The following ATL3 variants were observed in gnomAD, a reference collection of about 807,000 sequenced individuals.
The protein encoded by ATL3 is atlastin GTPase 3.
ATL3 carries 49 observed loss-of-function variants against 69.5 expected under a neutral mutation model. The observed-to-expected ratio is 0.71, with a 90% CI of 0.56 to 0.89. The LOEUF is 0.89. ATL3 is among the 40% of genes least tolerant of loss of function. The probability of loss-of-function intolerance (pLI) is 0.00; values close to 1 mark genes in which losing one functional copy is unlikely to be tolerated. For synonymous variants in ATL3, 214 were observed against 224.1 expected (o/e 0.95, Z 0.40); for missense variants, 606 against 645.7 (o/e 0.94, Z 0.67).
chr11:63,631,960 C>T (rs1000748586), intron 11 of ATL3, among the ~76,000 whole-genome samples: 17 of 152,098 alleles, frequency 1.1e-4, no homozygotes, highest in African/African-American at 3.4e-4. Flanking sequence ...CCAGCCTGGG[C>T]GACAGAGTGA....
intron 1 of ATL3, 130 bp from the exon 2 acceptor site, chr11:63,659,382 T>G: frequency 1.4e-6 from 1 of 710,504 alleles, no homozygotes; most frequent in South Asian, 1.9e-5. Flanking sequence ...ATCACAGCAC[T>G]TTGGGAAACC....
Position 63,624,765 on chromosome 11 carries a change from T to G in ATL3, c.*4554A>C, listed in dbSNP as rs1939049348. 1 of 152,190 alleles carries G rather than the reference T, an allele frequency of 6.6e-6. No individual in the cohort carries two copies. Among genetic ancestry groups the G allele is most frequent in the Admixed American group, 6.5e-5 (1 of 15,274 alleles). The allele number at this position is 152,190 out of a possible 1,614,324, so 9.4% of individuals were successfully genotyped here. On this transcript the variant is annotated 3_prime_UTR_variant, in exon 13 of 13. Transcript: ENST00000398868. Reference sequence around the variant, plus strand: ...CAGCTTTAAAGAGCTTAGATAATCCTCTGAATTAAAGGCATTCTTACTACT... The same window carrying G: ...CAGCTTTAAAGAGCTTAGATAATCCGCTGAATTAAAGGCATTCTTACTACT...
chr11:63,642,531 A>C (rs1350862193), intron 8 of ATL3, among the ~76,000 whole-genome samples: 2 of 152,172 alleles, frequency 1.3e-5, no homozygotes, highest in African/African-American at 4.8e-5. Context: ...AAGAACCCCT[A>C]TTTTAGCCCA....
chr11:63,629,979 T>C (rs968971203), intron 12 of ATL3, among the ~76,000 whole-genome samples: 1 of 152,194 alleles, frequency 6.6e-6, no homozygotes, highest in Admixed American at 6.5e-5. Context: ...ATCCCTTTCC[T>C]AATCCAGTAG....
intron 12 of ATL3, among the ~76,000 whole-genome samples, chr11:63,630,763 T>A (rs1356017786): frequency 1.4e-5 from 2 of 138,940 alleles, no homozygotes; most frequent in Admixed American, 7.6e-5. Context: ...GCCACTGGAC[T>A]CCAGCCTGGG....
chr11:63,653,424 T>C (rs2134510100), intron 3 of ATL3, among the ~76,000 whole-genome samples: 1 of 151,672 alleles, frequency 6.6e-6, no homozygotes, highest in East Asian at 1.9e-4. Context: ...GAGACCACAC[T>C]ACTGTACTCC....
At chr11:63,664,836 A>G (rs1036813622) in intron 1 of ATL3, among the ~76,000 whole-genome samples, 1 of 151,696 alleles carries the variant, frequency 6.6e-6, no homozygotes, top group African/African-American at 2.4e-5. Flanking sequence ...TCGAACTCCT[A>G]ACCCTGTGAT....
chr11:63,631,976 C>T (rs577277436), intron 11 of ATL3, among the ~76,000 whole-genome samples: 5 of 152,082 alleles, frequency 3.3e-5, no homozygotes, highest in Admixed American at 6.6e-5. Context: ...AGTGAGACTC[C>T]GTCTCTAAAA....
Position 63,658,817 on chromosome 11 carries a change from T to C in ATL3, c.349A>G (p.Thr117Ala). 1 of 1,612,878 alleles carries C rather than the reference T, an allele frequency of 6.2e-7. No individual in the cohort carries two copies. The highest frequency in any genetic ancestry group is 8.5e-7 in the Non-Finnish European group (1 of 1,179,544). ...ACTTCACTCCAGATTTGAATCCCAG[T>C]GGTTTCTGGATCAGATCCCCCTCTC... ...SWRGGSDPET[T>A]GIQIWSEVFT... The change falls in exon 3 of 13, where the codon ACT becomes GCT. Residue 117 changes from threonine (T) to alanine (A), a missense_variant. Coordinates refer to ENST00000398868, the MANE Select transcript of ATL3 (RefSeq NM_015459.5).
Position 63,646,544 on chromosome 11 carries a change from C to A in ATL3, c.581G>T (p.Arg194Leu), listed in dbSNP as rs750850786. The A allele has an allele frequency of 5.5e-5, 88 of 1,604,164 alleles. No individual in the cohort carries two copies. Among genetic ancestry groups the A allele is most frequent in the Non-Finnish European group, 7.5e-5 (88 of 1,175,192 alleles). The change falls in exon 6 of 13, where the codon CGT (arginine) becomes CTT (leucine). Residue 194 changes from arginine (R) to leucine (L), a missense_variant. By Grantham distance (102) the Arg-to-Leu change is moderately radical. Transcript: ENST00000398868. ...TTGGAAAATTTCATCCATTGCCAGA[C>A]GACCGTATTCTGTGAAGAGCTTTAA... Reference protein sequence around the residue: ...QQLQLFTEYGRLAMDEIFQKP... With the variant: ...QQLQLFTEYGLLAMDEIFQKP...
Position 63,665,683 on chromosome 11 carries a change from G to A in ATL3, c.46+5607C>T, listed in dbSNP as rs543345000. On this transcript the variant is annotated intron_variant, in intron 1 of 12. Transcript: ENST00000398868. ...GCAGGCAGATCACCTGAGATCAGGA[G>A]TTCGAGACCAGCCTGGGCAACACGG... 6.6e-5 allele frequency among the ~76,000 whole-genome samples: 10 copies of A among 152,206 alleles called. No individual in the cohort carries two copies. The South Asian group carries it at 1.9e-3, about 28-fold the overall frequency.
rs755513890 is a variant in ATL3 at position 63,631,465 on chromosome 11, C to T, written c.1114G>A (p.Gly372Arg). The change falls in exon 12 of 13, where the codon GGG becomes AGG. Residue 372 changes from glycine to arginine, a missense_variant. By Grantham distance (125) the Gly-to-Arg change is moderately radical (BLOSUM62 -2). Coordinates refer to ENST00000398868, the MANE Select transcript of ATL3 (RefSeq NM_015459.5). ...GGAGACAAATAAGGTTTCTCTCCCCCACAAACCTAAAAAGAACAAAGAAAC... is the reference window on the plus strand; with the variant it reads ...GGAGACAAATAAGGTTTCTCTCCCCTACAAACCTAAAAAGAACAAAGAAAC... ...IYYNNMEEVC[G>R]GEKPYLSPDI... 8.2e-6 allele frequency: 13 copies of T among 1,594,372 alleles called. No homozygotes were observed. In the African/African-American group the frequency reaches 9.5e-5, roughly 12 times the overall value.
chr11:63,648,872 C>T (rs760077098), intron 5 of ATL3, among the ~76,000 whole-genome samples: 1 of 151,512 alleles, frequency 6.6e-6, no homozygotes, highest in African/African-American at 2.4e-5. Flanking sequence ...AATCCTGGCA[C>T]TTTAGGAGGC....
intron 1 of ATL3, among the ~76,000 whole-genome samples, chr11:63,665,602 T>C (rs1940551186): frequency 6.6e-6 from 1 of 152,086 alleles, no homozygotes. Flanking sequence ...AAAAAGATCT[T>C]GTTGGCCAGG....
chr11:63,669,550 A>C (rs1020441284), intron 1 of ATL3, among the ~76,000 whole-genome samples: 1 of 151,994 alleles, frequency 6.6e-6, no homozygotes, highest in Non-Finnish European at 1.5e-5. Flanking sequence ...AAGAAAAAAA[A>C]AGAAAAGAAA....
At chr11:63,655,430 CG>C (rs1453737837) in intron 3 of ATL3, among the ~76,000 whole-genome samples, 2 of 150,102 alleles carry the variant, frequency 1.3e-5, no homozygotes, top group African/African-American at 4.9e-5. Flanking sequence ...GGAATACAGG[CG>C]TGAGCCACCG....
chr11:63,639,260 T>C (rs1441815658), intron 8 of ATL3, among the ~76,000 whole-genome samples: 1 of 152,220 alleles, frequency 6.6e-6, no homozygotes, highest in African/African-American at 2.4e-5. Context: ...CTTGGTTAAG[T>C]GGTTCCCTAA....
At chr11:63,670,274 A>C (rs1940730702) in intron 1 of ATL3, 1 of 152,214 alleles carries the variant, frequency 6.6e-6, no homozygotes. Context: ...CTATGTTGCA[A>C]TGCTAAATTC....
At chr11:63,670,384 C>G (rs1374466068) in intron 1 of ATL3, 1 of 152,216 alleles carries the variant, frequency 6.6e-6, no homozygotes, top group Non-Finnish European at 1.5e-5. Flanking sequence ...CTAAGACTGA[C>G]AAAACGTTCC....
Sources: allele counts gnomAD v4.1 joint callset (sites outside exome capture counted in the v4.1 genomes callset), GRCh38; gene constraint gnomAD v4.1.1; transcripts MANE v1.5; gene names NCBI Gene and HGNC (gene_info 2026-07-23, HGNC 2026-07-21).